KCTD8: variants seen among roughly 807,000 people sequenced by gnomAD.
KCTD8 encodes potassium channel tetramerization domain containing 8.
A neutral mutation model predicts 31.5 loss-of-function variants in KCTD8; 27 were observed. That is an observed-to-expected ratio of 0.86 (90% CI 0.63 to 1.18). The LOEUF is 1.18. Among genes scored for constraint, KCTD8 ranks in the 50% most tolerant of loss-of-function variants. The pLI is 0.00. For missense variants in KCTD8, 658 were observed against 647.7 expected (o/e 1.02, Z -0.17); for synonymous variants, 290 against 280.0 (o/e 1.04, Z -0.36).
At chr4:44,446,045 G>C (rs1721931018) in intron 1 of KCTD8, among the ~76,000 whole-genome samples, 1 of 152,084 alleles carries the variant, frequency 6.6e-6, no homozygotes, top group Non-Finnish European at 1.5e-5. Context: ...CAATTCAGTG[G>C]ACAGACACTT....
At chr4:44,181,725 G>C (rs1217893371) in intron 1 of KCTD8, among the ~76,000 whole-genome samples, 1 of 152,084 alleles carries the variant, frequency 6.6e-6, no homozygotes, top group Admixed American at 6.5e-5. Context: ...GGGATGCCAG[G>C]AGCCCCTCTG....
At chr4:44,426,400 G>A (rs1721347071) in intron 1 of KCTD8, among the ~76,000 whole-genome samples, 1 of 151,636 alleles carries the variant, frequency 6.6e-6, no homozygotes, top group African/African-American at 2.4e-5. Context: ...CAAAATGAGT[G>A]AACAAAATTC....
intron 1 of KCTD8, among the ~76,000 whole-genome samples, chr4:44,352,981 A>G (rs1560433754): frequency 6.6e-6 from 1 of 152,150 alleles, no homozygotes; most frequent in Non-Finnish European, 1.5e-5. Flanking sequence ...ATAAAGGTGC[A>G]TACGATAAAA....
intron 1 of KCTD8, among the ~76,000 whole-genome samples, chr4:44,317,678 T>C (rs563452266): frequency 6.5e-4 from 99 of 152,280 alleles, no homozygotes; most frequent in African/African-American, 2.4e-3. Flanking sequence ...ATTACTTATA[T>C]CCTACAGCTC....
chr4:44,267,575 A>T (rs1468898484), intron 1 of KCTD8, among the ~76,000 whole-genome samples: 1 of 152,140 alleles, frequency 6.6e-6, no homozygotes, highest in Non-Finnish European at 1.5e-5. Context: ...AGAGACAAAT[A>T]AAAACCCTCA....
chr4:44,441,076 A>G (rs181751435), intron 1 of KCTD8, among the ~76,000 whole-genome samples: 2 of 152,348 alleles, frequency 1.3e-5, no homozygotes, highest in East Asian at 3.9e-4. Flanking sequence ...TGAGACATAT[A>G]TGGCTGATAG....
At chr4:44,245,337 C>T (rs1195674993) in intron 1 of KCTD8, among the ~76,000 whole-genome samples, 2 of 152,040 alleles carry the variant, frequency 1.3e-5, no homozygotes, top group Non-Finnish European at 2.9e-5. Context: ...AAACACCATA[C>T]TCAAAAGAGA....
chr4:44,369,889 T>C (rs1719738801), intron 1 of KCTD8, among the ~76,000 whole-genome samples: 1 of 152,152 alleles, frequency 6.6e-6, no homozygotes, highest in South Asian at 2.1e-4. Context: ...CCTGAGCACT[T>C]ACAGTTTTGC....
intron 1 of KCTD8, among the ~76,000 whole-genome samples, chr4:44,365,926 T>G (rs1047706579): frequency 6.6e-6 from 1 of 152,176 alleles, no homozygotes; most frequent in African/African-American, 2.4e-5. Flanking sequence ...AGTGGATTAC[T>G]ATGCAATCAT....
At chr4:44,190,523 T>C (rs1032973884) in intron 1 of KCTD8, among the ~76,000 whole-genome samples, 1 of 152,210 alleles carries the variant, frequency 6.6e-6, no homozygotes, top group Non-Finnish European at 1.5e-5. Flanking sequence ...TAAAGTACTA[T>C]ATTTATAACC....
chr4:44,220,945 T>C (rs144165333), intron 1 of KCTD8, among the ~76,000 whole-genome samples: 453 of 152,342 alleles, frequency 3.0e-3, no homozygotes, highest in Non-Finnish European at 4.5e-3. Flanking sequence ...TGATGAATTT[T>C]ATACCTAAGA....
At chr4:44,328,579 T>C (rs1160462488) in intron 1 of KCTD8, among the ~76,000 whole-genome samples, 1 of 151,970 alleles carries the variant, frequency 6.6e-6, no homozygotes, top group Admixed American at 6.6e-5. Flanking sequence ...TTAACATAAA[T>C]AGTTTTAGAT....
intron 1 of KCTD8, among the ~76,000 whole-genome samples, chr4:44,373,304 T>C (rs1288383560): frequency 2.1e-4 from 32 of 151,728 alleles, no homozygotes; most frequent in Admixed American, 1.8e-3. Context: ...GAGGTTGCAG[T>C]GAGCTGAGGT....
intron 1 of KCTD8, among the ~76,000 whole-genome samples, chr4:44,314,952 T>A (rs1349275234): frequency 6.6e-6 from 1 of 151,472 alleles, no homozygotes; most frequent in Non-Finnish European, 1.5e-5. Flanking sequence ...GTTAATCTTT[T>A]ACTCTTTAGG....
In KCTD8 at chr4:44,342,292, C is replaced by T. The variant is rs1216444771; in HGVS notation, c.961+105271G>A. On this transcript the variant is annotated intron_variant, in intron 1 of 1. Transcript: ENST00000360029. Reference sequence around the variant, plus strand: ...GCTGAGGCAGGACAATGGCATGAACCCAGGAGGCGGAGATTGCAGTGAGCC... The same window carrying T: ...GCTGAGGCAGGACAATGGCATGAACTCAGGAGGCGGAGATTGCAGTGAGCC... 2.0e-5 allele frequency among the ~76,000 whole-genome samples: 3 copies of T among 150,984 alleles called. No individual in the cohort carries two copies. The East Asian group carries it at 5.9e-4, about 30-fold the overall frequency.
intron 1 of KCTD8, 86 bp downstream of exon 1, chr4:44,447,477 C>A: frequency 7.0e-7 from 1 of 1,433,962 alleles, no homozygotes; most frequent in Non-Finnish European, 9.1e-7. Flanking sequence ...CCCGGACACC[C>A]CCGCGGGGCC....
chr4:44,188,109 A>G (rs1472904578), intron 1 of KCTD8, among the ~76,000 whole-genome samples: 1 of 152,142 alleles, frequency 6.6e-6, no homozygotes, highest in Non-Finnish European at 1.5e-5. Flanking sequence ...GGATCTCTTC[A>G]GATCTTAAGT....
chr4:44,193,977 A>C (rs556288644), intron 1 of KCTD8, among the ~76,000 whole-genome samples: 9 of 152,304 alleles, frequency 5.9e-5, no homozygotes, highest in Non-Finnish European at 1.3e-4. Context: ...AATAGATGAG[A>C]TGTAGAGGGA....
At chr4:44,349,313 A>C (rs1215569262) in intron 1 of KCTD8, among the ~76,000 whole-genome samples, 2 of 152,282 alleles carry the variant, frequency 1.3e-5, no homozygotes, top group East Asian at 1.9e-4. Flanking sequence ...AAAAATGTTT[A>C]AGGAAGGGAG....
Sources: allele counts gnomAD v4.1 joint callset (sites outside exome capture counted in the v4.1 genomes callset), GRCh38; gene constraint gnomAD v4.1.1; transcripts MANE v1.5; gene names NCBI Gene and HGNC (gene_info 2026-07-23, HGNC 2026-07-21).